The following LRRC53 variants were observed in gnomAD, a reference collection of about 807,000 sequenced individuals.
LRRC53 encodes the protein leucine-rich repeat-containing protein 53.
In LRRC53, 25 loss-of-function variants were observed where a neutral mutation model predicts 13.6. The ratio of observed to expected loss-of-function variants is 1.83; its 90% confidence interval spans 1.34 to 2.56. The LOEUF (loss-of-function observed/expected upper bound fraction) is 2.56. Ranked by LOEUF, LRRC53 falls within the 30% of genes most tolerant of loss-of-function variation. LRRC53 has a pLI of 0.00. For missense variants in LRRC53, 527 were observed against 275.8 expected (o/e 1.91, Z -6.45); for synonymous variants, 204 against 109.8 (o/e 1.86, Z -5.37).
At chr1:74,479,579 A>T (rs181387129) in intron 3 of LRRC53, among the ~76,000 whole-genome samples, 24 of 152,290 alleles carry the variant, frequency 1.6e-4, no homozygotes, top group Middle Eastern at 3.4e-3. Context: ...TAGGTAATCC[A>T]ACTACAGAGC....
the LRRC53 span, among the ~76,000 whole-genome samples, chr1:74,526,444 G>A: frequency 6.6e-6 from 1 of 152,168 alleles, no homozygotes; most frequent in South Asian, 2.1e-4. Flanking sequence ...AGATGGACCT[G>A]AGTTCAAATT....
rs1667854769 is a variant in LRRC53 at position 74,470,180 on chromosome 1, C to G, written c.3442G>C (p.Glu1148Gln). The part of the protein sequence containing the change: ...AKDLSITSSH[E>Q]TQNRILCSEV... ...CTGCAAAGTATTCTATTTTGGGTTT[C>G]ATGGGAACTTGTGATACTTAAATCT... The change falls in exon 5 of 5, where the codon GAA becomes CAA. Residue 1148 changes from glutamate (E) to glutamine (Q), a missense_variant. Physicochemically the swap from Glu to Gln is conservative, Grantham distance 29. Coordinates refer to ENST00000294635, the MANE Select transcript of LRRC53 (RefSeq NM_001382280.1). 1 of 400,560 alleles carries G rather than the reference C, an allele frequency of 2.5e-6. No homozygotes were observed. The highest frequency in any genetic ancestry group is 4.4e-6 in the Non-Finnish European group (1 of 226,176). The allele number at this position is 400,560 out of a possible 1,614,324, so 24.8% of individuals were successfully genotyped here.
At position 74,471,799 on chromosome 1, in the gene LRRC53, C is replaced by T; in HGVS notation, c.1823G>A (p.Ser608Asn). The change falls in exon 5 of 5, where the codon AGT becomes AAT. Residue 608 changes from serine to asparagine, a missense_variant. Transcript: ENST00000294635. ...ACTCATAAGAAATTTTTCTATTGCA[C>T]TGTTAATTTGGATTTGCTCTTTCTC... Reference protein sequence around the residue: ...KPEKEQIQINSAIEKFLMSED... With the variant: ...KPEKEQIQINNAIEKFLMSED... 2.3e-6 allele frequency: 1 copy of T among 426,902 alleles called. No homozygotes were observed. The highest frequency in any genetic ancestry group is 4.1e-6 in the Non-Finnish European group (1 of 242,058). The allele number at this position is 426,902 out of a possible 1,614,324, so 26.4% of individuals were successfully genotyped here.
chr1:74,502,016 T>G (rs1669658642), intron 1 of LRRC53, among the ~76,000 whole-genome samples: 1 of 152,164 alleles, frequency 6.6e-6, no homozygotes, highest in African/African-American at 2.4e-5. Flanking sequence ...CCTTTGAAGA[T>G]TTTGGCTTTA....
chr1:74,486,827 T>G (rs1277203459), intron 1 of LRRC53, among the ~76,000 whole-genome samples: 3 of 152,144 alleles, frequency 2.0e-5, no homozygotes, highest in South Asian at 2.1e-4. Context: ...AAGAAAATGG[T>G]GTCCTCAAAG....
At position 74,471,536 on chromosome 1, in the gene LRRC53, A is replaced by G; in HGVS notation, c.2086T>C (p.Trp696Arg). The G allele has an allele frequency of 1.0e-5, 4 of 400,666 alleles. No individual in the cohort carries two copies. The highest frequency in any genetic ancestry group is 1.8e-5 in the Non-Finnish European group (4 of 226,168). 24.8% of individuals were successfully genotyped at this position (400,666 alleles called of 1,614,324 possible). ...GGGGTTCTCTTCCTTTTCAGAACCCATGAATTAGTAAACCATTTTTCTCCT... is the reference window on the plus strand; with the variant it reads ...GGGGTTCTCTTCCTTTTCAGAACCCGTGAATTAGTAAACCATTTTTCTCCT... ...NKGEKWFTNSWVLKRKRTPQS... is the reference protein window; with the variant it reads ...NKGEKWFTNSRVLKRKRTPQS... The change falls in exon 5 of 5, where the codon TGG becomes CGG. Residue 696 changes from tryptophan (W) to arginine (R), a missense_variant. Trp to Arg is a moderately radical substitution (Grantham distance 101). Transcript: ENST00000294635.
the LRRC53 span, among the ~76,000 whole-genome samples, chr1:74,523,402 T>G: frequency 6.6e-6 from 1 of 152,190 alleles, no homozygotes; most frequent in Admixed American, 6.5e-5. Flanking sequence ...TTATTGTGTT[T>G]GTGTATTCAA....
At chr1:74,514,976 T>C (rs1646328367), upstream of LRRC53, among the ~76,000 whole-genome samples, 1 of 151,982 alleles carries the variant, frequency 6.6e-6, no homozygotes. Flanking sequence ...AAGAATGGCA[T>C]GTGAAGATGA....
intron 1 of LRRC53, among the ~76,000 whole-genome samples, chr1:74,490,344 A>G (rs1669002929): frequency 6.6e-6 from 1 of 152,154 alleles, no homozygotes; most frequent in South Asian, 2.1e-4. Flanking sequence ...CTTGGGTATT[A>G]AGAGACACCT....
At chr1:74,489,534 T>C (rs1056350172) in intron 1 of LRRC53, among the ~76,000 whole-genome samples, 3 of 152,196 alleles carry the variant, frequency 2.0e-5, no homozygotes, top group Non-Finnish European at 4.4e-5. Flanking sequence ...TTGGAAAGTA[T>C]AACAAATACA....
chr1:74,513,773 G>C (rs2100389725), upstream of LRRC53, among the ~76,000 whole-genome samples: 1 of 152,294 alleles, frequency 6.6e-6, no homozygotes, highest in East Asian at 1.9e-4. Context: ...TTACTTTACA[G>C]TTTAGTGAAT....
intron 3 of LRRC53, among the ~76,000 whole-genome samples, chr1:74,477,038 G>A (rs1668240292): frequency 1.3e-5 from 2 of 151,950 alleles, no homozygotes; most frequent in South Asian, 4.1e-4. Context: ...ACATATTGAA[G>A]CAATCTCTAT....
In LRRC53 at chr1:74,489,172, CT is replaced by C; in HGVS notation, c.-26-5798del. The C allele has an allele frequency of 6.2e-7, 1 of 1,601,806 alleles. No individual in the cohort carries two copies. The highest frequency in any genetic ancestry group is 2.2e-5 in the East Asian group (1 of 44,450). On this transcript the variant is annotated intron_variant, in intron 1 of 4. Coordinates refer to ENST00000294635, the MANE Select transcript of LRRC53 (RefSeq NM_001382280.1). Reference sequence around the variant, plus strand: ...CTTTTATTCTTAAGGGAAAAAAGTTCTTTTTTCTATTTACAGGGAAGACCCG... The same window carrying C: ...CTTTTATTCTTAAGGGAAAAAAGTTCTTTTTCTATTTACAGGGAAGACCCG...
chr1:74,509,591 A>G (rs1670074431), intron 1 of LRRC53, among the ~76,000 whole-genome samples: 1 of 152,194 alleles, frequency 6.6e-6, no homozygotes, highest in African/African-American at 2.4e-5. Context: ...ACAATGAATT[A>G]TGAAATTATG....
chr1:74,496,224 G>A (rs1194662124), intron 1 of LRRC53, among the ~76,000 whole-genome samples: 1 of 152,104 alleles, frequency 6.6e-6, no homozygotes, highest in Non-Finnish European at 1.5e-5. Context: ...GTAAGAAGGG[G>A]ATGCAGCTAA....
chr1:74,485,473 C>G (rs1668708998), intron 1 of LRRC53, among the ~76,000 whole-genome samples: 1 of 152,170 alleles, frequency 6.6e-6, no homozygotes, highest in African/African-American at 2.4e-5. Flanking sequence ...CTCTCATTCT[C>G]TACTGCGTAT....
the LRRC53 span, among the ~76,000 whole-genome samples, chr1:74,535,122 T>C: frequency 6.6e-6 from 1 of 152,170 alleles, no homozygotes; most frequent in African/African-American, 2.4e-5. Context: ...CTGTGTAATT[T>C]CACTCTGCCT....
intron 1 of LRRC53, chr1:74,489,079 C>G (rs371374875): frequency 1.2e-6 from 1 of 832,040 alleles, no homozygotes; most frequent in East Asian, 2.7e-5. Flanking sequence ...TAAAAATATA[C>G]TTTATTGTTA....
intron 3 of LRRC53, among the ~76,000 whole-genome samples, chr1:74,476,784 C>A (rs1360610692): frequency 6.6e-6 from 1 of 152,108 alleles, no homozygotes; most frequent in African/African-American, 2.4e-5. Flanking sequence ...CTTTGACTGG[C>A]TACACCATGT....
Sources: gnomAD v4.1 joint callset for allele counts (sites outside exome capture counted in the v4.1 genomes callset) on GRCh38, gnomAD v4.1.1 for gene constraint, MANE v1.5 for transcripts, NCBI Gene and HGNC (gene_info 2026-07-23, HGNC 2026-07-21) for gene names.